LGSN: variants seen among roughly 807,000 people sequenced by gnomAD.
LGSN encodes the protein lengsin.
Under a neutral mutation model 19.5 loss-of-function variants are expected in LGSN, and 21 were observed. That is an observed-to-expected ratio of 1.07 (90% CI 0.76 to 1.55). The LOEUF (loss-of-function observed/expected upper bound fraction) is 1.55, where lower values mean the gene tolerates loss of function less well. Ranked by LOEUF, LGSN falls within the 40% of genes most tolerant of loss-of-function variation. The pLI is 0.00. For missense variants in LGSN, 673 were observed against 608.5 expected, an observed-to-expected ratio of 1.11 and a Z score of -1.12; for synonymous variants, 257 against 215.6, an observed-to-expected ratio of 1.19 and a Z score of -1.68.
the LGSN span, among the ~76,000 whole-genome samples, chr6:63,384,681 C>G: frequency 6.6e-6 from 1 of 152,218 alleles, no homozygotes; most frequent in East Asian, 1.9e-4. Flanking sequence ...CTACACATGG[C>G]TAATTTTGTA....
chr6:63,566,413 G>A, the LGSN span, among the ~76,000 whole-genome samples: 1 of 152,086 alleles, frequency 6.6e-6, no homozygotes, highest in East Asian at 1.9e-4. Flanking sequence ...TTTCTTTCCA[G>A]TAAACCAAGA....
chr6:63,468,965 T>C, the LGSN span, among the ~76,000 whole-genome samples: 1 of 152,024 alleles, frequency 6.6e-6, no homozygotes, highest in African/African-American at 2.4e-5. Context: ...GACAGGCTAG[T>C]CTCGAATCCT....
chr6:63,313,022 A>T (rs1222090670), intron 1 of LGSN, among the ~76,000 whole-genome samples: 1 of 152,218 alleles, frequency 6.6e-6, no homozygotes, highest in Non-Finnish European at 1.5e-5. Flanking sequence ...TGTAAAAGAC[A>T]AAATGGAAGG....
At chr6:63,388,413 C>A in the LGSN span, among the ~76,000 whole-genome samples, 11 of 152,096 alleles carry the variant, frequency 7.2e-5, no homozygotes, top group South Asian at 1.9e-3. Context: ...CAGAGTGTGA[C>A]CATATTTAGA....
chr6:63,497,918 C>CTTTTTTTTTTTTTTTTTTTTTTTTT, the LGSN span, among the ~76,000 whole-genome samples: 1 of 121,906 alleles, frequency 8.2e-6, no homozygotes, highest in African/African-American at 3.5e-5. Context: ...TGTCATGTTT[C>CTTTTTTTTTTTTTTTTTTTTTTTTT]TTTTTTTTTT....
chr6:63,461,264 C>T, the LGSN span, among the ~76,000 whole-genome samples: 3 of 152,188 alleles, frequency 2.0e-5, no homozygotes, highest in East Asian at 1.9e-4. Flanking sequence ...GTTGGCCATG[C>T]TGGTCTCAAA....
chr6:63,346,591 A>C, the LGSN span, among the ~76,000 whole-genome samples: 11 of 152,064 alleles, frequency 7.2e-5, no homozygotes, highest in Non-Finnish European at 1.3e-4. Flanking sequence ...CACTCTAGTA[A>C]ATGATTAAAT....
chr6:63,300,651 G>A (rs115787403), intron 1 of LGSN, among the ~76,000 whole-genome samples: 2,460 of 152,040 alleles, frequency 0.016, 70 homozygotes, highest in African/African-American at 0.057. Context: ...GGGTGACAAA[G>A]CAAGATCTAT....
chr6:63,545,018 G>A, the LGSN span, among the ~76,000 whole-genome samples: 1 of 152,120 alleles, frequency 6.6e-6, no homozygotes, highest in Non-Finnish European at 1.5e-5. Flanking sequence ...TTATTACCAT[G>A]ATAATTTCCA....
the LGSN span, among the ~76,000 whole-genome samples, chr6:63,538,515 T>C: frequency 6.6e-6 from 1 of 152,242 alleles, no homozygotes; most frequent in Non-Finnish European, 1.5e-5. Flanking sequence ...GTTCAGTATT[T>C]GAAGCTGTAG....
chr6:63,333,932 T>A, the LGSN span, among the ~76,000 whole-genome samples: 1 of 152,210 alleles, frequency 6.6e-6, no homozygotes, highest in Non-Finnish European at 1.5e-5. Flanking sequence ...CATGGCTTCA[T>A]TATTAAAGCT....
chr6:63,391,954 C>G, the LGSN span, among the ~76,000 whole-genome samples: 1 of 152,144 alleles, frequency 6.6e-6, no homozygotes, highest in African/African-American at 2.4e-5. Context: ...TTTAAGGAAT[C>G]AATGATATGA....
At chr6:63,540,262 TATATAGA>T in the LGSN span, among the ~76,000 whole-genome samples, 13,244 of 152,190 alleles carry the variant, frequency 0.087, 619 homozygotes, top group East Asian at 0.16. Flanking sequence ...AGCCCAGATG[TATATAGA>T]ATCATAGATA....
At chr6:63,310,903 G>T (rs368699524) in intron 1 of LGSN, among the ~76,000 whole-genome samples, 271 of 152,252 alleles carry the variant, frequency 1.8e-3, no homozygotes, top group African/African-American at 6.2e-3. Context: ...AAGGTTTCCT[G>T]GGCATTTTTC....
chr6:63,539,933 T>C, the LGSN span, among the ~76,000 whole-genome samples: 2 of 152,088 alleles, frequency 1.3e-5, no homozygotes, highest in Admixed American at 1.3e-4. Flanking sequence ...TGGACAAACA[T>C]TGGAAAGTTG....
the LGSN span, among the ~76,000 whole-genome samples, chr6:63,479,226 G>GT: frequency 6.6e-6 from 1 of 152,112 alleles, no homozygotes. Context: ...CTTTCAAAGC[G>GT]TATCAGCAAG....
At chr6:63,419,879 CCAAAAAAAAAAAAAAAAAAAAA>C in the LGSN span, among the ~76,000 whole-genome samples, 1 of 81,266 alleles carries the variant, frequency 1.2e-5, no homozygotes, top group Admixed American at 1.6e-4. Context: ...AAACTCCCTC[CCAAAAAAAAAAAAAAAAAAAAA>C]AAAAAAAAAA....
the LGSN span, among the ~76,000 whole-genome samples, chr6:63,362,929 C>G: frequency 6.6e-6 from 1 of 152,360 alleles, no homozygotes; most frequent in East Asian, 1.9e-4. Flanking sequence ...AGTAGCCTAA[C>G]TGGGAGACAC....
the LGSN span, among the ~76,000 whole-genome samples, chr6:63,502,223 C>A: frequency 1.3e-5 from 2 of 152,316 alleles, no homozygotes; most frequent in South Asian, 4.1e-4. Context: ...TACTTCAGAA[C>A]CTTTTCTCCT....
Sources: allele counts gnomAD v4.1 joint callset (sites outside exome capture counted in the v4.1 genomes callset), GRCh38; gene constraint gnomAD v4.1.1; transcripts MANE v1.5; gene names NCBI Gene and HGNC (gene_info 2026-07-23, HGNC 2026-07-21).